UGT2A1: variants seen among roughly 807,000 people sequenced by gnomAD.
UGT2A1 encodes UDP glucuronosyltransferase family 2 member A1 complex locus.
Under a neutral mutation model 45.4 loss-of-function variants are expected in UGT2A1, and 61 were observed. The observed-to-expected ratio is 1.34, with a 90% CI of 1.09 to 1.66. The LOEUF is 1.66. UGT2A1 is among the 40% of genes most tolerant of loss of function. UGT2A1 has a pLI of 0.00. For synonymous variants in UGT2A1, 229 were observed against 196.2 expected, an observed-to-expected ratio of 1.17 and a Z score of -1.40; for missense variants, 649 against 574.3, an observed-to-expected ratio of 1.13 and a Z score of -1.33.
At chr4:69,631,946 A>G (rs1721412227) in intron 3 of UGT2A1, among the ~76,000 whole-genome samples, 1 of 152,228 alleles carries the variant, frequency 6.6e-6, no homozygotes, top group Non-Finnish European at 1.5e-5. Context: ...ATGGATTCCA[A>G]AATAATATCA....
At position 69,639,352 on chromosome 4, in the gene UGT2A1, C is replaced by G; in HGVS notation, c.716-3530G>C. ...TCAATCCACAGCATTATCATATGCT[C>G]AATTAAGGAATCTATATTGCTCTTC... On this transcript the variant is annotated intron_variant, in intron 2 of 6. Coordinates refer to ENST00000286604, the MANE Select transcript of UGT2A1 (RefSeq NM_001252275.3). The G allele has an allele frequency of 1.9e-6, 3 of 1,613,642 alleles. No homozygotes were observed. In the South Asian group the frequency reaches 3.3e-5, roughly 18 times the overall value.
chr4:69,608,636 GA>G (rs1332669314), intron 3 of UGT2A1, among the ~76,000 whole-genome samples: 1 of 151,610 alleles, frequency 6.6e-6, no homozygotes, highest in Non-Finnish European at 1.5e-5. Context: ...GGGAAAAAAT[GA>G]AAAAAATGCA....
chr4:69,608,592 G>A (rs6832167), intron 3 of UGT2A1, among the ~76,000 whole-genome samples: 119,298 of 151,884 alleles, frequency 0.79, 46,971 homozygotes, highest in South Asian at 0.85. Flanking sequence ...AAGAAAATAG[G>A]TAGGCTGAGA....
At chr4:69,631,642 A>G (rs139711352) in intron 3 of UGT2A1, among the ~76,000 whole-genome samples, 1 of 152,326 alleles carries the variant, frequency 6.6e-6, no homozygotes, top group African/African-American at 2.4e-5. Flanking sequence ...AAACCTGCCA[A>G]GCAAGGAGAG....
rs1195343492 is a variant in UGT2A1, at chr4:69,599,392, T to C, written c.850A>G (p.Arg284Gly). The C allele has an allele frequency of 3.7e-6, 6 of 1,612,300 alleles. No individual in the cohort carries two copies. The highest frequency in any genetic ancestry group is 1.3e-5 in the African/African-American group (1 of 74,804). ...CSWDYRLPAG[R>G]PTTLCETMGK... ...ATAGTCTCACATAACGTAGTGGGTC[T>C]TCCTGGAGAAAATGTAACAAGTTGG... The change falls in exon 4 of 7, where the codon AGA becomes GGA. Residue 284 changes from arginine (R) to glycine (G), a missense_variant and splice_region_variant. Coordinates refer to ENST00000286604, the MANE Select transcript of UGT2A1 (RefSeq NM_001252275.3).
chr4:69,618,221 T>TTGTGTGTGTGTGTG (rs112693693), intron 3 of UGT2A1, among the ~76,000 whole-genome samples: 3 of 144,736 alleles, frequency 2.1e-5, no homozygotes, highest in East Asian at 2.0e-4. Context: ...GTGTGTATGT[T>TTGTGTGTGTGTGTG]TGTGTGTGTG....
chr4:69,590,696 G>A (rs1347857643), intron 6 of UGT2A1, among the ~76,000 whole-genome samples: 1 of 151,628 alleles, frequency 6.6e-6, no homozygotes, highest in Non-Finnish European at 1.5e-5. Context: ...AAGAATATAA[G>A]TAAGTAATTT....
chr4:69,614,253 A>G (rs1411068904), intron 3 of UGT2A1, among the ~76,000 whole-genome samples: 1 of 152,030 alleles, frequency 6.6e-6, no homozygotes, highest in African/African-American at 2.4e-5. Flanking sequence ...ACCTAAGAAT[A>G]AACTGAATCA....
chr4:69,593,998 T>C lies in UGT2A1; in HGVS notation c.1304+479A>G, dbSNP rs913030691. Reference sequence around the variant, plus strand: ...TTTTGTTTGTTTTTTTTTTTGAGACTGAGTCTTGCTCTTTTGCCCAGGCTG... The same window carrying C: ...TTTTGTTTGTTTTTTTTTTTGAGACCGAGTCTTGCTCTTTTGCCCAGGCTG... On this transcript the variant is annotated intron_variant, in intron 6 of 6. Coordinates refer to ENST00000286604, the MANE Select transcript of UGT2A1 (RefSeq NM_001252275.3). Among the ~76,000 whole-genome samples the C allele has an allele frequency of 8.6e-5, 12 of 139,178 alleles. No individual in the cohort carries two copies. In the Admixed American group the frequency reaches 8.7e-4, roughly 10 times the overall value. 91.3% of individuals were successfully genotyped at this position (139,178 alleles called of 152,430 possible). A position where few individuals can be genotyped will look rare whatever the true frequency, so the allele number is the denominator to read the frequency against.
At chr4:69,595,711 G>A (rs559325524) in intron 4 of UGT2A1, among the ~76,000 whole-genome samples, 51 of 152,302 alleles carry the variant, frequency 3.3e-4, no homozygotes, top group African/African-American at 1.2e-3. Flanking sequence ...GAAATTGCAT[G>A]TTGTTGGACT....
chr4:69,617,249 T>C (rs1361045727), intron 3 of UGT2A1, among the ~76,000 whole-genome samples: 17 of 151,966 alleles, frequency 1.1e-4, no homozygotes, highest in Admixed American at 9.9e-4. Context: ...ACTTTCTTTT[T>C]CTTCAAGCAG....
At chr4:69,599,422 AG>A in intron 3 of UGT2A1, 28 bp from the exon 4 acceptor site, 1 of 1,609,028 alleles carries the variant, frequency 6.2e-7, no homozygotes, top group African/African-American at 1.3e-5. Context: ...AGTTGGATGG[AG>A]GAAATTAGCT....
chr4:69,590,476 C>A (rs1434860671), intron 6 of UGT2A1, among the ~76,000 whole-genome samples: 5 of 152,054 alleles, frequency 3.3e-5, no homozygotes, highest in African/African-American at 1.2e-4. Context: ...AAGAAAAGTT[C>A]CAGCCTGGAT....
At chr4:69,599,112 A>G in intron 4 of UGT2A1, 134 bp downstream of exon 4, 2 of 1,335,156 alleles carry the variant, frequency 1.5e-6, no homozygotes, top group East Asian at 2.6e-5. Context: ...GACCTCTATC[A>G]CAAGGAAAAT....
intron 2 of UGT2A1, among the ~76,000 whole-genome samples, chr4:69,644,291 G>C (rs1247799035): frequency 6.6e-6 from 1 of 151,668 alleles, no homozygotes. Flanking sequence ...AAGTAAACTA[G>C]TGGATAACTT....
chr4:69,621,365 A>G (rs749758262), intron 3 of UGT2A1, among the ~76,000 whole-genome samples: 11 of 152,108 alleles, frequency 7.2e-5, no homozygotes, highest in African/African-American at 2.4e-4. Context: ...AAAAGAAGAC[A>G]TACATGCAAC....
chr4:69,627,742 G>C (rs1170048587), intron 3 of UGT2A1, among the ~76,000 whole-genome samples: 1 of 151,774 alleles, frequency 6.6e-6, no homozygotes, highest in Non-Finnish European at 1.5e-5. Context: ...ATCAAATTAT[G>C]AGCAAACTGG....
chr4:69,652,663 G>A (rs888634503), intron 1 of UGT2A1, among the ~76,000 whole-genome samples: 7 of 151,976 alleles, frequency 4.6e-5, no homozygotes, highest in African/African-American at 1.7e-4. Context: ...AAAGTAAATA[G>A]ATTTTAAAAT....
chr4:69,647,949 T>A (rs1449464608), intron 1 of UGT2A1, among the ~76,000 whole-genome samples: 1 of 151,832 alleles, frequency 6.6e-6, no homozygotes, highest in Non-Finnish European at 1.5e-5. Context: ...GTGTGTTTCA[T>A]AATTGTTACA....
Sources: gnomAD v4.1 joint callset for allele counts (sites outside exome capture counted in the v4.1 genomes callset) on GRCh38, gnomAD v4.1.1 for gene constraint, MANE v1.5 for transcripts, NCBI Gene and HGNC (gene_info 2026-07-23, HGNC 2026-07-21) for gene names.